Variants in MAP4K5 observed in about 807,000 individuals in gnomAD.
MAP4K5 encodes MAPK/ERK kinase kinase kinase 5.
Under a neutral mutation model 135.6 loss-of-function variants are expected in MAP4K5, and 82 were observed. That is an observed-to-expected ratio of 0.60 (90% CI 0.51 to 0.73). The LOEUF (loss-of-function observed/expected upper bound fraction) is 0.73, where lower values mean the gene tolerates loss of function less well. MAP4K5 is among the 30% of genes least tolerant of loss of function. MAP4K5 has a pLI of 0.00. For synonymous variants in MAP4K5, 347 were observed against 335.0 expected, an observed-to-expected ratio of 1.04 and a Z score of -0.39; for missense variants, 907 against 1,010.9, an observed-to-expected ratio of 0.90 and a Z score of 1.39.
rs375287076 is a variant in MAP4K5 at position 50,524,082 on chromosome 14, T to C, written c.108+7860A>G. On this transcript the variant is annotated intron_variant, in intron 2 of 32. Coordinates refer to ENST00000682126, the MANE Select transcript of MAP4K5 (RefSeq NM_006575.6). The stretch of plus-strand genomic sequence containing the variant: ...TGAATTCTCAATTCCTCCCAAATTC[T>C]TTGTCTTGATTTCCTTCTCTGTAGA... Among the ~76,000 whole-genome samples the C allele has an allele frequency of 1.1e-3, 172 of 152,370 alleles. 2 individuals are homozygous for C. The South Asian group carries it at 0.033, about 29-fold the overall frequency.
At chr14:50,542,674 T>TTGAA (rs2038580965) in intron 1 of MAP4K5, 1 of 152,126 alleles carries the variant, frequency 6.6e-6, no homozygotes, top group Non-Finnish European at 1.5e-5. Flanking sequence ...ACCCATTATC[T>TTGAA]ATAGGCTCAT....
At chr14:50,428,567 G>A (rs1320701215) in intron 30 of MAP4K5, 95 bp downstream of exon 30, 4 of 675,972 alleles carry the variant, frequency 5.9e-6, no homozygotes, top group Non-Finnish European at 9.6e-6. Flanking sequence ...AGAAATTTCT[G>A]TGAGACAGTG....
chr14:50,454,157 G>A (rs545042639), intron 14 of MAP4K5, among the ~76,000 whole-genome samples: 1 of 152,144 alleles, frequency 6.6e-6, no homozygotes, highest in South Asian at 2.1e-4. Flanking sequence ...AAGAAGCCAG[G>A]AACAAAAGTT....
chr14:50,519,598 G>T (rs1157565155), intron 2 of MAP4K5, among the ~76,000 whole-genome samples: 1 of 152,114 alleles, frequency 6.6e-6, no homozygotes, highest in East Asian at 1.9e-4. Flanking sequence ...AGGTTGTAAT[G>T]AGTCGAGATT....
chr14:50,537,675 A>G (rs890207637), intron 2 of MAP4K5, among the ~76,000 whole-genome samples: 1 of 152,230 alleles, frequency 6.6e-6, no homozygotes, highest in Non-Finnish European at 1.5e-5. Context: ...CATCAGCATG[A>G]CTTAGATGTG....
intron 1 of MAP4K5, among the ~76,000 whole-genome samples, chr14:50,543,766 G>A (rs796268863): frequency 6.6e-6 from 1 of 152,154 alleles, no homozygotes. Flanking sequence ...GGTAGGAGTG[G>A]CTCTTCTATT....
At chr14:50,429,062 G>A (rs374249091) in intron 29 of MAP4K5, 130 bp downstream of exon 29, 43 of 601,018 alleles carry the variant, frequency 7.2e-5, no homozygotes, top group African/African-American at 2.8e-4. Context: ...GATTTTTTTC[G>A]CTTACAAATT....
intron 31 of MAP4K5, among the ~76,000 whole-genome samples, chr14:50,425,209 A>G (rs1445091331): frequency 6.6e-6 from 1 of 152,206 alleles, no homozygotes; most frequent in Non-Finnish European, 1.5e-5. Flanking sequence ...TTGGAGGCCC[A>G]AATCCCATCT....
intron 11 of MAP4K5, among the ~76,000 whole-genome samples, chr14:50,465,346 A>T (rs1228020590): frequency 6.6e-6 from 1 of 152,224 alleles, no homozygotes; most frequent in African/African-American, 2.4e-5. Context: ...TCTAGAATTT[A>T]AGAACTCAGA....
Position 50,486,280 on chromosome 14 carries a change from G to A in MAP4K5, c.167-86C>T, listed in dbSNP as rs1435992253. On this transcript the variant is annotated intron_variant, in intron 3 of 32. Transcript: ENST00000682126. ...AAGGAAAACTTTACAATAAATATTA[G>A]AGATGAGGAATGAGGCATTCTTAAT... 4 of 560,392 alleles carry A rather than the reference G, an allele frequency of 7.1e-6. No homozygotes were observed. In the African/African-American group the frequency reaches 8.0e-5, roughly 11 times the overall value. 34.7% of individuals were successfully genotyped at this position (560,392 alleles called of 1,614,324 possible).
At chr14:50,522,185 T>C (rs1028954500) in intron 2 of MAP4K5, among the ~76,000 whole-genome samples, 2 of 152,032 alleles carry the variant, frequency 1.3e-5, no homozygotes, top group Admixed American at 6.6e-5. Flanking sequence ...GCTAAACCTA[T>C]GTAAACAAAG....
chr14:50,421,383 C>T (rs757213199), intron 32 of MAP4K5, among the ~76,000 whole-genome samples: 8 of 151,786 alleles, frequency 5.3e-5, no homozygotes, highest in Non-Finnish European at 7.4e-5. Flanking sequence ...CTCAGCCTCC[C>T]GAGTAGCTGG....
chr14:50,507,877 A>C (rs1302906483), intron 2 of MAP4K5, among the ~76,000 whole-genome samples: 1 of 152,058 alleles, frequency 6.6e-6, no homozygotes, highest in Non-Finnish European at 1.5e-5. Flanking sequence ...CTTGGTGCAG[A>C]GCTGAGTTCA....
chr14:50,518,715 C>T (rs1195359211), intron 2 of MAP4K5, among the ~76,000 whole-genome samples: 1 of 152,172 alleles, frequency 6.6e-6, no homozygotes, highest in Admixed American at 6.5e-5. Context: ...TATTAGGATA[C>T]TCATCTGTCT....
intron 28 of MAP4K5, 37 bp downstream of exon 28, chr14:50,434,357 A>T: frequency 6.6e-7 from 1 of 1,524,826 alleles, no homozygotes; most frequent in Middle Eastern, 1.7e-4. Context: ...TATAGGCAAA[A>T]ATATCAATAT....
At chr14:50,487,726 G>A (rs971744317) in intron 3 of MAP4K5, among the ~76,000 whole-genome samples, 1 of 152,204 alleles carries the variant, frequency 6.6e-6, no homozygotes, top group Non-Finnish European at 1.5e-5. Flanking sequence ...TTAGCCAGCT[G>A]TGAGTAAGCC....
chr14:50,491,988 G>A (rs1359117383), intron 3 of MAP4K5, among the ~76,000 whole-genome samples: 1 of 151,954 alleles, frequency 6.6e-6, no homozygotes, highest in East Asian at 1.9e-4. Flanking sequence ...CACCTGGCCT[G>A]AGCTTTCAGA....
chr14:50,440,106 T>C (rs954332620), intron 22 of MAP4K5, 33 bp from the exon 23 acceptor site: 6 of 1,226,970 alleles, frequency 4.9e-6, no homozygotes, highest in Non-Finnish European at 6.9e-6. Context: ...GATTCTCTCA[T>C]TGTCATTATT....
intron 2 of MAP4K5, 141 bp from the exon 3 acceptor site, chr14:50,504,998 C>T: frequency 1.9e-6 from 1 of 535,212 alleles, no homozygotes; most frequent in Non-Finnish European, 3.2e-6. Context: ...AAATGCTGAG[C>T]AAACTCATTT....
Sources: allele counts gnomAD v4.1 joint callset (sites outside exome capture counted in the v4.1 genomes callset), GRCh38; gene constraint gnomAD v4.1.1; transcripts MANE v1.5; gene names NCBI Gene and HGNC (gene_info 2026-07-23, HGNC 2026-07-21).